The following ETV5 variants were observed in gnomAD, a reference collection of about 807,000 sequenced individuals.
ETV5 encodes ETS variant transcription factor 5.
ETV5 carries 10 observed loss-of-function variants against 70.0 expected under a neutral mutation model. That is an observed-to-expected ratio of 0.14 (90% CI 0.09 to 0.24). ETV5 has a LOEUF of 0.24. Among genes scored for constraint, ETV5 ranks in the 10% least tolerant of loss-of-function variants. ETV5 has a pLI of 1.00. For synonymous variants in ETV5, 216 were observed against 242.2 expected, an observed-to-expected ratio of 0.89 and a Z score of 1.01; for missense variants, 453 against 651.2, an observed-to-expected ratio of 0.70 and a Z score of 3.31.
At position 186,047,804 on chromosome 3, in the gene ETV5, CGTTTTTT is replaced by C. The variant is rs1329758040; in HGVS notation, c.*828_*834del. On this transcript the variant is annotated 3_prime_UTR_variant, in exon 13 of 13. Coordinates refer to ENST00000306376, the MANE Select transcript of ETV5 (RefSeq NM_004454.3). ...AGGTTTGTTTTTGTTTTTTGTTTTT[CGTTTTTT>C]TGCTTTAAATACCAAAACTACAAAA... 2 of 232,986 alleles carry C rather than the reference CGTTTTTT, an allele frequency of 8.6e-6. No individual in the cohort carries two copies. The highest frequency in any genetic ancestry group is 5.6e-5 in the Admixed American group (1 of 17,752). The allele number at this position is 232,986 out of a possible 1,614,324, so 14.4% of individuals were successfully genotyped here. A position where few individuals can be genotyped will look rare whatever the true frequency, so the allele number is the denominator to read the frequency against.
At chr3:186,088,308 C>G (rs1416470296) in intron 5 of ETV5, among the ~76,000 whole-genome samples, 1 of 152,242 alleles carries the variant, frequency 6.6e-6, no homozygotes, top group African/African-American at 2.4e-5. Flanking sequence ...GGCTGCAGCT[C>G]AGGGGGCTGG....
In ETV5 at chr3:186,080,099, T is replaced by G; in HGVS notation, c.368A>C (p.Tyr123Ser). Residue 123 changes from tyrosine (Y) to serine (S), a missense_variant, in exon 7 of 13, where the codon TAT becomes TCT. Tyr to Ser is a moderately radical substitution (Grantham distance 144). Transcript: ENST00000306376. ...GEKCLYNYCAYDRKPPSGFKP... is the reference protein window; with the variant it reads ...GEKCLYNYCASDRKPPSGFKP... ...GAACCCAGAGGGAGGCTTCCTATCA[T>G]AGGCACTGTAAACAGAAAAAGAGAA... 1.4e-6 allele frequency: 2 copies of G among 1,481,074 alleles called. No homozygotes were observed. The highest frequency in any genetic ancestry group is 2.5e-5 in the East Asian group (1 of 39,414). 91.7% of individuals were successfully genotyped at this position (1,481,074 alleles called of 1,614,324 possible).
At chr3:186,081,213 G>A in intron 5 of ETV5, 38 bp from the exon 6 acceptor site, 1 of 1,579,606 alleles carries the variant, frequency 6.3e-7, no homozygotes, top group Non-Finnish European at 8.6e-7. Flanking sequence ...AATAGAGAGA[G>A]AACAGCTGAT....
intron 9 of ETV5, 79 bp downstream of exon 9, chr3:186,064,338 G>A: frequency 8.1e-6 from 11 of 1,358,278 alleles, no homozygotes; most frequent in Non-Finnish European, 1.2e-5. Flanking sequence ...AGGAAGGTAG[G>A]AGAAAGAAAA....
intron 5 of ETV5, chr3:186,104,986 C>G (rs1454131153): frequency 1.0e-5 from 2 of 196,938 alleles, no homozygotes; most frequent in African/African-American, 2.4e-5. Flanking sequence ...AAGTGATCCA[C>G]CTGCCTCAGC....
chr3:186,083,351 T>C (rs1191290664), intron 5 of ETV5, among the ~76,000 whole-genome samples: 1 of 152,236 alleles, frequency 6.6e-6, no homozygotes, highest in East Asian at 1.9e-4. Flanking sequence ...ATCACCACTT[T>C]ACCTAAGTTT....
rs1712932276 is a variant in ETV5 at position 186,048,327 on chromosome 3, CCTG to C, written c.*309_*311del. ...CTATGTCCCGTTTTGCGGGTACTAA[CCTG>C]AACAAGATATTGCTTTGCATGTATT... On this transcript the variant is annotated 3_prime_UTR_variant, in exon 13 of 13. Coordinates refer to ENST00000306376, the MANE Select transcript of ETV5 (RefSeq NM_004454.3). 14 of 421,618 alleles carry C rather than the reference CCTG, an allele frequency of 3.3e-5. No homozygotes were observed. Among genetic ancestry groups the C allele is most frequent in the Non-Finnish European group, 6.1e-5 (14 of 229,482 alleles). 26.1% of individuals were successfully genotyped at this position (421,618 alleles called of 1,614,324 possible). A position where few individuals can be genotyped will look rare whatever the true frequency, so the allele number is the denominator to read the frequency against.
intron 8 of ETV5, 73 bp downstream of exon 8, chr3:186,065,740 A>G: frequency 2.5e-6 from 4 of 1,576,390 alleles, no homozygotes; most frequent in Non-Finnish European, 3.5e-6. Context: ...AAGGCCCTGC[A>G]TGTATAAGAC....
chr3:186,058,403 C>T (rs115839637), intron 9 of ETV5, among the ~76,000 whole-genome samples: 1,930 of 152,304 alleles, frequency 0.013, 29 homozygotes, highest in African/African-American at 0.043. Flanking sequence ...TACCAGCACA[C>T]GTCTTAGGAG....
intron 5 of ETV5, among the ~76,000 whole-genome samples, chr3:186,087,372 G>A (rs1213812466): frequency 6.6e-6 from 1 of 152,196 alleles, no homozygotes; most frequent in African/African-American, 2.4e-5. Flanking sequence ...GGGCACAGGA[G>A]TCTTCTTATA....
At chr3:186,089,206 G>A (rs1373616155) in intron 5 of ETV5, among the ~76,000 whole-genome samples, 1 of 152,092 alleles carries the variant, frequency 6.6e-6, no homozygotes, top group African/African-American at 2.4e-5. Context: ...CCAAATAAGA[G>A]GCATGCTCAA....
chr3:186,074,953 TAAGAA>T (rs760773329), intron 7 of ETV5, among the ~76,000 whole-genome samples: 107 of 151,876 alleles, frequency 7.0e-4, no homozygotes, highest in Non-Finnish European at 1.5e-3. Context: ...CTCACCATAT[TAAGAA>T]ATTAAAGGAG....
chr3:186,049,617 G>A (rs1160629660), intron 12 of ETV5, among the ~76,000 whole-genome samples: 4 of 152,144 alleles, frequency 2.6e-5, no homozygotes, highest in Non-Finnish European at 4.4e-5. Context: ...AGAGGGGGAA[G>A]GGAAGGCAGC....
At chr3:186,059,023 A>T (rs892461907) in intron 9 of ETV5, among the ~76,000 whole-genome samples, 8 of 151,082 alleles carry the variant, frequency 5.3e-5, no homozygotes, top group Admixed American at 1.3e-4. Context: ...AAAAAAAAAA[A>T]AATAAAATAA....
chr3:186,108,586 C>T (rs1714654889), intron 1 of ETV5: 4 of 1,236,744 alleles, frequency 3.2e-6, no homozygotes, highest in African/African-American at 3.1e-5. Context: ...GCCTCCAAGT[C>T]CCCTCGGGGC....
intron 9 of ETV5, among the ~76,000 whole-genome samples, chr3:186,061,547 T>A (rs1214853696): frequency 6.6e-6 from 1 of 152,208 alleles, no homozygotes; most frequent in Non-Finnish European, 1.5e-5. Flanking sequence ...ATTTTGGGAA[T>A]CACACTGCTT....
At position 186,099,239 on chromosome 3, in the gene ETV5, G is replaced by C. The variant is rs1336836030; in HGVS notation, c.232+6066C>G. 2.0e-5 allele frequency among the ~76,000 whole-genome samples: 3 copies of C among 152,134 alleles called. No homozygotes were observed. The East Asian group carries it at 5.8e-4, about 29-fold the overall frequency. ...TAGTGCCGGCACATACTAGGGGCCT[G>C]GTATCTTGCCACTCCTTTAAGCCAA... On this transcript the variant is annotated intron_variant, in intron 5 of 12. Transcript: ENST00000306376.
chr3:186,092,326 C>G (rs1714200419), intron 5 of ETV5, among the ~76,000 whole-genome samples: 1 of 152,218 alleles, frequency 6.6e-6, no homozygotes, highest in Non-Finnish European at 1.5e-5. Flanking sequence ...ACAATGGTAT[C>G]TGAAACATCT....
chr3:186,060,990 C>T (rs918650274), intron 9 of ETV5, among the ~76,000 whole-genome samples: 3 of 152,174 alleles, frequency 2.0e-5, no homozygotes, highest in Admixed American at 6.5e-5. Context: ...AGCCAGTGTC[C>T]GGGAGACAGC....
Sources: gnomAD v4.1 joint callset for allele counts (sites outside exome capture counted in the v4.1 genomes callset) on GRCh38, gnomAD v4.1.1 for gene constraint, MANE v1.5 for transcripts, NCBI Gene and HGNC (gene_info 2026-07-23, HGNC 2026-07-21) for gene names.